Variants in TMEM132D observed in about 807,000 individuals in gnomAD.
TMEM132D encodes mature OL transmembrane protein.
In TMEM132D, 21 loss-of-function variants were observed where a neutral mutation model predicts 62.3. The observed-to-expected ratio is 0.34, with a 90% CI of 0.24 to 0.49. The LOEUF (loss-of-function observed/expected upper bound fraction) is 0.49, where lower values mean the gene tolerates loss of function less well. Ranked by LOEUF, TMEM132D falls within the 20% of genes least tolerant of loss-of-function variation. The pLI is 0.99. For missense variants in TMEM132D, 1,346 were observed against 1,402.8 expected (o/e 0.96, Z 0.65); for synonymous variants, 621 against 575.6 (o/e 1.08, Z -1.13).
intron 4 of TMEM132D, among the ~76,000 whole-genome samples, chr12:129,326,160 TG>T (rs1487125817): frequency 1.4e-4 from 22 of 152,308 alleles, no homozygotes; most frequent in African/African-American, 5.3e-4. Flanking sequence ...ACACTCTCCA[TG>T]GGGTGACATA....
chr12:129,470,994 A>C (rs2137047015), intron 3 of TMEM132D, among the ~76,000 whole-genome samples: 1 of 152,296 alleles, frequency 6.6e-6, no homozygotes, highest in East Asian at 1.9e-4. Flanking sequence ...AAATGGGTGC[A>C]TGAGCATTTC....
intron 5 of TMEM132D, among the ~76,000 whole-genome samples, chr12:129,194,920 C>T (rs1360521085): frequency 6.6e-6 from 1 of 152,194 alleles, no homozygotes; most frequent in South Asian, 2.1e-4. Context: ...TCCACTGTGA[C>T]TTCTTAGATA....
At chr12:129,803,666 A>C (rs1871874074) in intron 1 of TMEM132D, among the ~76,000 whole-genome samples, 2 of 151,582 alleles carry the variant, frequency 1.3e-5, no homozygotes, top group African/African-American at 4.9e-5. Flanking sequence ...AAAAGCTAGC[A>C]GAAGGCAAGA....
intron 3 of TMEM132D, among the ~76,000 whole-genome samples, chr12:129,370,268 T>C (rs1367372420): frequency 6.6e-6 from 1 of 152,200 alleles, no homozygotes; most frequent in Non-Finnish European, 1.5e-5. Context: ...TTGAGAAACA[T>C]TTCATCCTCT....
Position 129,700,670 on chromosome 12 carries a change from G to A in TMEM132D, c.108C>T (p.Ser36=). Residue 36 remains serine, a synonymous_variant, in exon 2 of 9, where the codon AGC becomes AGT. Coordinates refer to ENST00000422113, the MANE Select transcript of TMEM132D (RefSeq NM_133448.3). ...KVTEGRGILE[S]IQRFSLLPTY... is the part of the protein sequence containing the mutation. ...TGGGCAGCAAGGAAAACCTCTGGAT[G>A]CTCTCAAGGATCCCTCGACCTTCCG... The A allele has an allele frequency of 1.2e-6, 2 of 1,613,048 alleles. No homozygotes were observed. The highest frequency in any genetic ancestry group is 1.7e-6 in the Non-Finnish European group (2 of 1,179,652).
intron 5 of TMEM132D, among the ~76,000 whole-genome samples, chr12:129,151,518 C>T (rs887848027): frequency 2.6e-5 from 4 of 152,174 alleles, no homozygotes; most frequent in African/African-American, 7.2e-5. Flanking sequence ...CATCGTCATG[C>T]GACGCTCACC....
At chr12:129,878,702 C>T (rs1874505403) in intron 1 of TMEM132D, among the ~76,000 whole-genome samples, 2 of 152,110 alleles carry the variant, frequency 1.3e-5, no homozygotes, top group African/African-American at 4.8e-5. Flanking sequence ...TCAGCTTCCC[C>T]AGTAGCTGGG....
At chr12:129,482,945 C>CTG (rs59346043) in intron 3 of TMEM132D, among the ~76,000 whole-genome samples, 1,716 of 144,268 alleles carry the variant, frequency 0.012, 12 homozygotes, top group Non-Finnish European at 0.017. Flanking sequence ...CATATTTAAT[C>CTG]TGTGTGTGTG....
rs141810489 is a variant in TMEM132D, at chr12:129,629,488, C to A, written c.968+70322G>T. Among the ~76,000 whole-genome samples the A allele has an allele frequency of 5.0e-3, 759 of 152,190 alleles. 3 individuals are homozygous for A. The highest frequency in any genetic ancestry group is 0.016 in the African/African-American group (685 of 41,534). On this transcript the variant is annotated intron_variant, in intron 2 of 8. Transcript: ENST00000422113. ...GCTTTCTCCAGAAAATATTCTCCAC[C>A]CTCCCCACCTAGGAGGCATCTTCCT...
intron 1 of TMEM132D, among the ~76,000 whole-genome samples, chr12:129,767,196 A>G (rs910790517): frequency 2.0e-5 from 3 of 152,202 alleles, no homozygotes; most frequent in Non-Finnish European, 4.4e-5. Context: ...TTTTCTGAAA[A>G]GCATAAAAGC....
chr12:129,519,610 C>CTT (rs35695419), intron 3 of TMEM132D, among the ~76,000 whole-genome samples: 3,066 of 146,918 alleles, frequency 0.021, 119 homozygotes, highest in African/African-American at 0.07. Flanking sequence ...GATAAGAATG[C>CTT]TTTTTTTTTT....
In TMEM132D at chr12:129,721,011, G is replaced by C. The variant is rs533570614; in HGVS notation, c.80-20313C>G. On this transcript the variant is annotated intron_variant, in intron 1 of 8. Coordinates refer to ENST00000422113, the MANE Select transcript of TMEM132D (RefSeq NM_133448.3). ...AATCACTGCAGGGGAAGATGGGGCC[G>C]CATCTGCGTGTGGAGGGACCACAGG... is the stretch of plus-strand genomic sequence containing the variant. Among the ~76,000 whole-genome samples the C allele has an allele frequency of 2.6e-5, 4 of 152,336 alleles. No homozygotes were observed. In the East Asian group the frequency reaches 7.7e-4, roughly 29 times the overall value.
intron 2 of TMEM132D, among the ~76,000 whole-genome samples, chr12:129,628,132 T>C (rs763850457): frequency 1.4e-4 from 22 of 151,828 alleles, no homozygotes; most frequent in Non-Finnish European, 2.2e-4. Flanking sequence ...ATTTGGTAAA[T>C]GAGAGAAAAT....
At chr12:129,885,735 T>C (rs1209049524) in intron 1 of TMEM132D, among the ~76,000 whole-genome samples, 1 of 152,248 alleles carries the variant, frequency 6.6e-6, no homozygotes, top group African/African-American at 2.4e-5. Context: ...TTCTAGTGTA[T>C]TGTAAATCTT....
At chr12:129,186,883 TA>T in intron 5 of TMEM132D, among the ~76,000 whole-genome samples, 1 of 152,354 alleles carries the variant, frequency 6.6e-6, no homozygotes, top group Admixed American at 6.5e-5. Flanking sequence ...TTATGAAATT[TA>T]AAAAACCTAA....
chr12:129,615,555 A>C (rs1878890879), intron 2 of TMEM132D, among the ~76,000 whole-genome samples: 1 of 150,226 alleles, frequency 6.7e-6, no homozygotes, highest in Non-Finnish European at 1.5e-5. Flanking sequence ...GTTTGGGATC[A>C]GCATGGGCAA....
chr12:129,228,833 ATTTG>A (rs914671773), intron 4 of TMEM132D, among the ~76,000 whole-genome samples: 1 of 152,214 alleles, frequency 6.6e-6, no homozygotes, highest in Non-Finnish European at 1.5e-5. Flanking sequence ...CATGGAAATG[ATTTG>A]TTTGGACTGT....
At chr12:129,647,426 G>A (rs967987502) in intron 2 of TMEM132D, among the ~76,000 whole-genome samples, 5 of 152,058 alleles carry the variant, frequency 3.3e-5, no homozygotes, top group Admixed American at 1.3e-4. Context: ...TTTTGTAGTT[G>A]CTTCTGACTT....
rs547559372 is a variant in TMEM132D, at chr12:129,366,116, T to TA, written c.1116-28300dup. On this transcript the variant is annotated intron_variant, in intron 3 of 8. Transcript: ENST00000422113. ...AATAAAATAATTAAAATTCTTAAAATAAAAAAAACACTCACCCGGATATTA... is the reference window on the plus strand; with the variant it reads ...AATAAAATAATTAAAATTCTTAAAATAAAAAAAAACACTCACCCGGATATTA... 7.9e-5 allele frequency among the ~76,000 whole-genome samples: 12 copies of TA among 151,766 alleles called. No homozygotes were observed. In the East Asian group the frequency reaches 9.6e-4, roughly 12 times the overall value.
Sources: allele counts gnomAD v4.1 joint callset (sites outside exome capture counted in the v4.1 genomes callset), GRCh38; gene constraint gnomAD v4.1.1; transcripts MANE v1.5; gene names NCBI Gene and HGNC (gene_info 2026-07-23, HGNC 2026-07-21).